The following RANBP2 variants were observed in gnomAD, a reference collection of about 807,000 sequenced individuals.
RANBP2 encodes the protein RAN binding protein 2.
Under a neutral mutation model 303.6 loss-of-function variants are expected in RANBP2, and 57 were observed. The ratio of observed to expected loss-of-function variants is 0.19; its 90% confidence interval spans 0.15 to 0.23. The LOEUF (loss-of-function observed/expected upper bound fraction) is 0.23, where lower values mean the gene tolerates loss of function less well. RANBP2 is among the 10% of genes least tolerant of loss of function. The pLI is 1.00. For synonymous variants in RANBP2, 1,167 were observed against 1,301.5 expected (o/e 0.90, Z 2.23); for missense variants, 3,138 against 3,780.8 (o/e 0.83, Z 4.46).
At chr2:108,886,123 A>G in the RANBP2 span, among the ~76,000 whole-genome samples, 1 of 152,136 alleles carries the variant, frequency 6.6e-6, no homozygotes, top group Non-Finnish European at 1.5e-5. Flanking sequence ...TTGGGTAGAT[A>G]CCCAGTAGAG....
the RANBP2 span, among the ~76,000 whole-genome samples, chr2:108,983,203 C>T: frequency 2.6e-5 from 4 of 152,186 alleles, no homozygotes; most frequent in Non-Finnish European, 2.9e-5. Context: ...CCAAAGTGTA[C>T]ACTCTGATTT....
At chr2:109,044,847 T>C in the RANBP2 span, among the ~76,000 whole-genome samples, 1 of 152,178 alleles carries the variant, frequency 6.6e-6, no homozygotes, top group Non-Finnish European at 1.5e-5. Context: ...GGCTTTAATG[T>C]TTTAATGATG....
chr2:108,884,154 C>T, the RANBP2 span: 4,430 of 152,658 alleles, frequency 0.029, 192 homozygotes, highest in African/African-American at 0.1. Context: ...CCTTCTGCCT[C>T]GGCTTCCTAA....
chr2:109,211,940 G>A, the RANBP2 span, among the ~76,000 whole-genome samples: 1 of 152,224 alleles, frequency 6.6e-6, no homozygotes. Flanking sequence ...ACCGCACCCA[G>A]CCCCTTCCCA....
rs1677135435 is a variant in RANBP2 at position 108,766,538 on chromosome 2, A to G, written c.5999A>G (p.Asp2000Gly). Residue 2000 changes from aspartate (D) to glycine (G), a missense_variant, in exon 20 of 29, where the codon GAT (aspartate) becomes GGT (glycine). By Grantham distance (94) the Asp-to-Gly change is moderately conservative. Around this residue, in one of 20 missense-constraint regions of RANBP2, gnomAD observed 348 missense variants for 360.4 expected, o/e 0.97. Transcript: ENST00000283195. Reference sequence around the variant, plus strand: ...ACTTCCGGTGACTTTGAGAAAGATGATGATGCCTATAAGACTGAGGACAGC... The same window carrying G: ...ACTTCCGGTGACTTTGAGAAAGATGGTGATGCCTATAAGACTGAGGACAGC... ...ANTSGDFEKD[D>G]DAYKTEDSDD... 3.1e-6 allele frequency: 5 copies of G among 1,611,894 alleles called. No homozygotes were observed. The highest frequency in any genetic ancestry group is 4.2e-6 in the Non-Finnish European group (5 of 1,179,856).
the RANBP2 span, among the ~76,000 whole-genome samples, chr2:108,795,071 T>G: frequency 6.6e-6 from 1 of 152,082 alleles, no homozygotes; most frequent in African/African-American, 2.4e-5. Context: ...ATAAAAAGTC[T>G]TCTTGTCAAC....
chr2:109,489,126 C>T, the RANBP2 span, among the ~76,000 whole-genome samples: 5 of 152,252 alleles, frequency 3.3e-5, no homozygotes, highest in East Asian at 1.9e-4. Flanking sequence ...CACACTTGCC[C>T]AGGGCACACC....
chr2:109,382,086 A>T, the RANBP2 span, among the ~76,000 whole-genome samples: 1 of 152,122 alleles, frequency 6.6e-6, no homozygotes. Context: ...GGGTGTTTGT[A>T]AGGGCTGTCC....
the RANBP2 span, among the ~76,000 whole-genome samples, chr2:109,050,919 A>T: frequency 6.6e-6 from 1 of 152,150 alleles, no homozygotes; most frequent in Admixed American, 6.6e-5. Context: ...TACAGAGGAG[A>T]TGGGCTTAGT....
chr2:109,001,740 GT>G, the RANBP2 span, among the ~76,000 whole-genome samples: 1 of 152,110 alleles, frequency 6.6e-6, no homozygotes, highest in Non-Finnish European at 1.5e-5. Flanking sequence ...TTGTTTGTTT[GT>G]TTGTTTTTTG....
chr2:109,311,723 C>T, the RANBP2 span, among the ~76,000 whole-genome samples: 1 of 152,146 alleles, frequency 6.6e-6, no homozygotes, highest in African/African-American at 2.4e-5. Context: ...TTTTGTTTTT[C>T]CTTGTCTGAC....
At chr2:109,319,259 A>C in the RANBP2 span, among the ~76,000 whole-genome samples, 1 of 152,040 alleles carries the variant, frequency 6.6e-6, no homozygotes, top group East Asian at 1.9e-4. Context: ...CATTTTTTGG[A>C]GTTGAGAAAG....
chr2:109,369,198 A>T, the RANBP2 span, among the ~76,000 whole-genome samples: 3 of 151,248 alleles, frequency 2.0e-5, no homozygotes, highest in Non-Finnish European at 2.9e-5. Context: ...AAAAAAAAAA[A>T]TTAGCCGGGA....
the RANBP2 span, among the ~76,000 whole-genome samples, chr2:109,026,918 G>A: frequency 6.6e-6 from 1 of 152,096 alleles, no homozygotes; most frequent in African/African-American, 2.4e-5. Flanking sequence ...GCCAGGCATG[G>A]TGGTGGGCGT....
chr2:108,832,898 G>A, the RANBP2 span, among the ~76,000 whole-genome samples: 3 of 152,118 alleles, frequency 2.0e-5, no homozygotes, highest in African/African-American at 7.2e-5. Context: ...AACTATACTG[G>A]CAAGTTTGAA....
At chr2:109,170,869 T>C in the RANBP2 span, among the ~76,000 whole-genome samples, 6 of 152,280 alleles carry the variant, frequency 3.9e-5, no homozygotes, top group Non-Finnish European at 8.8e-5. Context: ...TAAGCTACCT[T>C]GCGTCACCTT....
At chr2:108,956,559 G>A in the RANBP2 span, among the ~76,000 whole-genome samples, 18 of 152,190 alleles carry the variant, frequency 1.2e-4, no homozygotes, top group African/African-American at 4.3e-4. Flanking sequence ...AAGGCACAAG[G>A]CTCCCTTGGG....
At chr2:109,648,193 G>A in the RANBP2 span, among the ~76,000 whole-genome samples, 1 of 152,152 alleles carries the variant, frequency 6.6e-6, no homozygotes, top group Non-Finnish European at 1.5e-5. Context: ...GCTGGGAGCT[G>A]AAGGGAGAAG....
rs1030722720 is a variant in RANBP2 at position 108,728,637 on chromosome 2, GAT to G, written c.73-494_73-493del. ...TGATGATGATGATGATGATGATGAT[GAT>G]GTTTGGGAGATGGAGTCTCGCTCTG... is the stretch of plus-strand genomic sequence containing the variant. On this transcript the variant is annotated intron_variant, in intron 1 of 28. Transcript: ENST00000283195. 7.0e-4 allele frequency among the ~76,000 whole-genome samples: 106 copies of G among 150,652 alleles called. 2 individuals carry two copies. The highest frequency in any genetic ancestry group is 3.4e-3 in the Middle Eastern group (1 of 290).
Sources: gnomAD v4.1 joint callset for allele counts (sites outside exome capture counted in the v4.1 genomes callset) on GRCh38, gnomAD v4.1.1 for gene constraint, gnomAD v4.1.1 regional missense constraint, MANE v1.5 for transcripts, NCBI Gene and HGNC (gene_info 2026-07-23, HGNC 2026-07-21) for gene names.